Variants in STPG2 observed in about 807,000 individuals in gnomAD.
STPG2 encodes sperm tail PG-rich repeat containing 2.
A neutral mutation model predicts 54.2 loss-of-function variants in STPG2; 56 were observed. That is an observed-to-expected ratio of 1.03 (90% CI 0.83 to 1.29). The LOEUF (loss-of-function observed/expected upper bound fraction) is 1.29, where lower values mean the gene tolerates loss of function less well. STPG2 is among the 50% of genes most tolerant of loss of function. The pLI, the probability that STPG2 is intolerant of heterozygous loss-of-function variation, is 0.00. For missense variants in STPG2, 596 were observed against 544.9 expected, an observed-to-expected ratio of 1.09 and a Z score of -0.93; for synonymous variants, 200 against 181.8, an observed-to-expected ratio of 1.10 and a Z score of -0.81.
At chr4:97,919,877 G>A (rs566359133) in intron 8 of STPG2, among the ~76,000 whole-genome samples, 3 of 152,090 alleles carry the variant, frequency 2.0e-5, no homozygotes, top group Non-Finnish European at 4.4e-5. Context: ...TGCATTCCCT[G>A]TCTATAACTT....
At chr4:97,809,951 T>G (rs568775798) in intron 9 of STPG2, among the ~76,000 whole-genome samples, 1 of 152,248 alleles carries the variant, frequency 6.6e-6, no homozygotes, top group Non-Finnish European at 1.5e-5. Flanking sequence ...CTAATACAAT[T>G]GTAATGTATG....
At chr4:97,471,032 G>T (rs1178351354) in intron 4 of STPG2, among the ~76,000 whole-genome samples, 1 of 152,178 alleles carries the variant, frequency 6.6e-6, no homozygotes, top group Non-Finnish European at 1.5e-5. Flanking sequence ...TGACTAATGA[G>T]TAGGTAGTGT....
intron 9 of STPG2, among the ~76,000 whole-genome samples, chr4:97,838,631 A>C (rs1279934006): frequency 6.6e-6 from 1 of 151,492 alleles, no homozygotes; most frequent in African/African-American, 2.4e-5. Flanking sequence ...AACAGAGTCT[A>C]GACAAAGGAA....
At chr4:97,930,998 G>C (rs1196672311) in intron 8 of STPG2, among the ~76,000 whole-genome samples, 2 of 152,128 alleles carry the variant, frequency 1.3e-5, no homozygotes, top group African/African-American at 4.8e-5. Flanking sequence ...TACTGTTGGT[G>C]TATGAAAATA....
intron 4 of STPG2, among the ~76,000 whole-genome samples, chr4:97,547,091 G>C (rs1035215417): frequency 6.6e-6 from 1 of 151,866 alleles, no homozygotes; most frequent in African/African-American, 2.4e-5. Flanking sequence ...TCTTACAAAT[G>C]AAAGAAGTTC....
chr4:97,853,539 A>C (rs893683829), intron 8 of STPG2, among the ~76,000 whole-genome samples: 2 of 152,218 alleles, frequency 1.3e-5, no homozygotes, highest in African/African-American at 4.8e-5. Context: ...TGATTAAATA[A>C]ACAAAAAAAG....
intron 10 of STPG2, among the ~76,000 whole-genome samples, chr4:97,633,285 A>C (rs1721359167): frequency 6.6e-6 from 1 of 152,162 alleles, no homozygotes; most frequent in Admixed American, 6.5e-5. Context: ...TGACTTAATT[A>C]AATATACAAA....
chr4:97,536,516 A>G (rs1297598602), intron 4 of STPG2, among the ~76,000 whole-genome samples: 1 of 152,166 alleles, frequency 6.6e-6, no homozygotes, highest in Non-Finnish European at 1.5e-5. Context: ...CCAGCCATGC[A>G]GAACTGAGTC....
chr4:97,680,170 A>G (rs1419804991), intron 10 of STPG2, among the ~76,000 whole-genome samples: 1 of 151,276 alleles, frequency 6.6e-6, no homozygotes, highest in Non-Finnish European at 1.5e-5. Flanking sequence ...GAAGAAAGTC[A>G]TTGGTAGCTT....
At position 98,001,860 on chromosome 4, in the gene STPG2, C is replaced by T. The variant is rs1456497619; in HGVS notation, c.613-20542G>A. Among the ~76,000 whole-genome samples, 10 of 152,080 alleles carry T rather than the reference C, an allele frequency of 6.6e-5. No individual in the cohort carries two copies. In the South Asian group the frequency reaches 1.0e-3, roughly 16 times the overall value. ...TGGCAACTAACTCAATTTTTAGCAA[C>T]TATGAAATAACTATAAAAATACACC... On this transcript the variant is annotated intron_variant, in intron 5 of 10. Transcript: ENST00000295268.
At chr4:97,505,598 G>A (rs1730827186) in intron 4 of STPG2, among the ~76,000 whole-genome samples, 1 of 151,948 alleles carries the variant, frequency 6.6e-6, no homozygotes, top group Non-Finnish European at 1.5e-5. Flanking sequence ...TTGAAATTGT[G>A]CACTGATATT....
At chr4:98,140,122 T>C (rs1740239072) in intron 1 of STPG2, among the ~76,000 whole-genome samples, 1 of 152,092 alleles carries the variant, frequency 6.6e-6, no homozygotes, top group African/African-American at 2.4e-5. Flanking sequence ...AAAGAATAAA[T>C]ACAAATTAGC....
At chr4:97,450,571 G>C (rs893308213) in intron 4 of STPG2, among the ~76,000 whole-genome samples, 1 of 152,144 alleles carries the variant, frequency 6.6e-6, no homozygotes, top group Non-Finnish European at 1.5e-5. Context: ...ATCAGGCAAC[G>C]GTGGGGAATA....
chr4:98,018,537 A>C (rs1736051573), intron 5 of STPG2, among the ~76,000 whole-genome samples: 1 of 152,194 alleles, frequency 6.6e-6, no homozygotes, highest in African/African-American at 2.4e-5. Context: ...ATACCCAGTA[A>C]TGGGATGGCT....
At chr4:97,907,667 G>C (rs1480288410) in intron 8 of STPG2, among the ~76,000 whole-genome samples, 1 of 152,094 alleles carries the variant, frequency 6.6e-6, no homozygotes, top group African/African-American at 2.4e-5. Context: ...TACCAAAACA[G>C]AGATATAGAC....
intron 8 of STPG2, among the ~76,000 whole-genome samples, chr4:97,908,392 T>C (rs1210492083): frequency 1.5e-4 from 22 of 149,810 alleles, no homozygotes; most frequent in Non-Finnish European, 4.4e-5. Flanking sequence ...TGTGGAGAAA[T>C]AGGAACACTT....
At chr4:97,814,134 T>C (rs1181271448) in intron 9 of STPG2, among the ~76,000 whole-genome samples, 4 of 152,196 alleles carry the variant, frequency 2.6e-5, no homozygotes, top group Non-Finnish European at 4.4e-5. Context: ...TATTGATATA[T>C]TTATAACAAA....
Position 98,109,229 on chromosome 4 carries a change from T to G in STPG2, c.464A>C (p.Lys155Thr). 1 of 1,611,206 alleles carries G rather than the reference T, an allele frequency of 6.2e-7. No homozygotes were observed. The highest frequency in any genetic ancestry group is 8.5e-7 in the Non-Finnish European group (1 of 1,178,362). The change falls in exon 4 of 11, where the codon AAG becomes ACG. Residue 155 changes from lysine (K) to threonine (T), a missense_variant. By Grantham distance (78) the Lys-to-Thr change is moderately conservative (BLOSUM62 -1). Coordinates refer to ENST00000295268, the MANE Select transcript of STPG2 (RefSeq NM_174952.3). ...ATACTGTCCTGGACCAGGACCTGAC[T>G]TTTTAGGTAACTCTTGTCTTCCTGA... ...NSSGRQELPK[K>T]SGPGPGQYDI...
intron 8 of STPG2, among the ~76,000 whole-genome samples, chr4:97,890,573 G>C (rs1730732259): frequency 6.6e-6 from 1 of 151,446 alleles, no homozygotes; most frequent in African/African-American, 2.4e-5. Flanking sequence ...TTGGTGACGG[G>C]GTACAAAAAT....
Sources: allele counts gnomAD v4.1 joint callset (sites outside exome capture counted in the v4.1 genomes callset), GRCh38; gene constraint gnomAD v4.1.1; transcripts MANE v1.5; gene names NCBI Gene and HGNC (gene_info 2026-07-23, HGNC 2026-07-21).